The following SH3BGRL2 variants were observed in gnomAD, a reference collection of about 807,000 sequenced individuals.
The protein encoded by SH3BGRL2 is SH3 domain-binding glutamic acid-rich-like protein 2.
SH3BGRL2 carries 21 observed loss-of-function variants against 14.8 expected under a neutral mutation model. The observed-to-expected ratio is 1.42, with a 90% CI of 1.01 to 2.05. The LOEUF (loss-of-function observed/expected upper bound fraction) is 2.05, where lower values mean the gene tolerates loss of function less well. Ranked by LOEUF, SH3BGRL2 falls within the 30% of genes most tolerant of loss-of-function variation. SH3BGRL2 has a pLI of 0.00. For missense variants in SH3BGRL2, 147 were observed against 130.8 expected (o/e 1.12, Z -0.61); for synonymous variants, 50 against 47.8 (o/e 1.05, Z -0.19).
chr6:79,541,404 C>T, the SH3BGRL2 span, among the ~76,000 whole-genome samples: 1 of 152,070 alleles, frequency 6.6e-6, no homozygotes, highest in South Asian at 2.1e-4. Flanking sequence ...AGACCTAGCT[C>T]CACGTATGGT....
At chr6:79,674,147 AATC>A (rs1293767370) in intron 2 of SH3BGRL2, among the ~76,000 whole-genome samples, 1 of 152,160 alleles carries the variant, frequency 6.6e-6, no homozygotes, top group Non-Finnish European at 1.5e-5. Flanking sequence ...CATTAAAAAT[AATC>A]ATTTTAATTA....
chr6:79,602,221 C>T, the SH3BGRL2 span, among the ~76,000 whole-genome samples: 3 of 152,060 alleles, frequency 2.0e-5, no homozygotes, highest in Non-Finnish European at 4.4e-5. Context: ...ACGGTCTGTG[C>T]CCTCATAGAC....
chr6:79,538,775 A>G, the SH3BGRL2 span, among the ~76,000 whole-genome samples: 1 of 152,212 alleles, frequency 6.6e-6, no homozygotes, highest in Non-Finnish European at 1.5e-5. Flanking sequence ...TGAAACCACC[A>G]TTTATTCAGC....
the SH3BGRL2 span, among the ~76,000 whole-genome samples, chr6:79,559,002 C>T: frequency 6.6e-6 from 1 of 152,106 alleles, no homozygotes; most frequent in Non-Finnish European, 1.5e-5. Context: ...TCCCACTGGT[C>T]AAATCTGGGA....
chr6:79,683,463 C>CTT (rs1322387979), intron 2 of SH3BGRL2, among the ~76,000 whole-genome samples: 2 of 144,360 alleles, frequency 1.4e-5, no homozygotes, highest in Non-Finnish European at 3.1e-5. Context: ...AAACATCCTT[C>CTT]TTTTTTTTTT....
At chr6:79,548,403 T>C in the SH3BGRL2 span, among the ~76,000 whole-genome samples, 33 of 152,352 alleles carry the variant, frequency 2.2e-4, no homozygotes, top group African/African-American at 6.3e-4. Context: ...GACTGATCTT[T>C]GGACAAAGAG....
At chr6:79,564,195 A>G in the SH3BGRL2 span, among the ~76,000 whole-genome samples, 1 of 152,106 alleles carries the variant, frequency 6.6e-6, no homozygotes, top group African/African-American at 2.4e-5. Context: ...TCTGAAAAAA[A>G]AAAAGACAAA....
the SH3BGRL2 span, among the ~76,000 whole-genome samples, chr6:79,618,513 C>T: frequency 6.6e-6 from 1 of 152,164 alleles, no homozygotes; most frequent in Non-Finnish European, 1.5e-5. Flanking sequence ...TGAGACCAGC[C>T]TGGCCAACAT....
the SH3BGRL2 span, among the ~76,000 whole-genome samples, chr6:79,548,306 T>C: frequency 6.6e-6 from 1 of 152,244 alleles, no homozygotes; most frequent in Non-Finnish European, 1.5e-5. Context: ...ATCTTTATTA[T>C]ATTGTAGCAC....
Position 79,699,866 on chromosome 6 carries a change from G to A in SH3BGRL2, c.*357G>A. 2 of 271,398 alleles carry A rather than the reference G, an allele frequency of 7.4e-6. No homozygotes were observed. The highest frequency in any genetic ancestry group is 6.8e-6 in the Non-Finnish European group (1 of 147,024). 16.8% of individuals were successfully genotyped at this position (271,398 alleles called of 1,614,324 possible). On this transcript the variant is annotated 3_prime_UTR_variant, in exon 4 of 4. Coordinates refer to ENST00000369838, the MANE Select transcript of SH3BGRL2 (RefSeq NM_031469.4). ...CTAGGTTATAGTAGATGCCGGAATT[G>A]CGTAAACCCACTTCTCTTTAAGCTG...
At chr6:79,671,465 A>C (rs1021172657) in intron 1 of SH3BGRL2, among the ~76,000 whole-genome samples, 6 of 152,158 alleles carry the variant, frequency 3.9e-5, no homozygotes, top group African/African-American at 1.2e-4. Flanking sequence ...AAAACAAAAC[A>C]AAAAAATGAC....
At chr6:79,691,544 C>T (rs1456092888) in intron 2 of SH3BGRL2, among the ~76,000 whole-genome samples, 1 of 136,574 alleles carries the variant, frequency 7.3e-6, no homozygotes, top group Non-Finnish European at 1.5e-5. Context: ...TGTGACGTTC[C>T]CCTTCCTGTG....
At chr6:79,598,484 G>T in the SH3BGRL2 span, among the ~76,000 whole-genome samples, 5 of 152,124 alleles carry the variant, frequency 3.3e-5, no homozygotes, top group Non-Finnish European at 7.3e-5. Flanking sequence ...AAAACTTTAT[G>T]GTAAGTTGAA....
At chr6:79,648,879 G>A (rs140139886) in intron 1 of SH3BGRL2, among the ~76,000 whole-genome samples, 8 of 152,270 alleles carry the variant, frequency 5.3e-5, no homozygotes, top group Admixed American at 5.2e-4. Context: ...TCTTAAATAA[G>A]TGGCAGGAAG....
the SH3BGRL2 span, chr6:79,553,057 G>A: frequency 6.6e-6 from 1 of 152,214 alleles, no homozygotes; most frequent in Admixed American, 6.5e-5. Context: ...CTCCCAAAGA[G>A]TATTCAAGTT....
chr6:79,558,213 A>G, the SH3BGRL2 span, among the ~76,000 whole-genome samples: 5 of 152,176 alleles, frequency 3.3e-5, no homozygotes, highest in African/African-American at 1.2e-4. Context: ...TGAAACTCCT[A>G]TAGACAGCTT....
chr6:79,638,649 G>A (rs1562144416), intron 1 of SH3BGRL2, among the ~76,000 whole-genome samples: 1 of 152,142 alleles, frequency 6.6e-6, no homozygotes, highest in Non-Finnish European at 1.5e-5. Context: ...TAACTGGGGT[G>A]AGATGCAATT....
In SH3BGRL2 at chr6:79,673,804, G is replaced by C. The variant is rs763186946; in HGVS notation, c.231+5G>C. On this transcript the variant is annotated splice_donor_5th_base_variant and intron_variant, in intron 2 of 3. Coordinates refer to ENST00000369838, the MANE Select transcript of SH3BGRL2 (RefSeq NM_031469.4). ...AATGGCGACCGATACTGTGGAGTAA[G>C]TGGCTAGACTGTTATCATGCTGTTT... is the stretch of plus-strand genomic sequence containing the variant. 3.1e-6 allele frequency: 5 copies of C among 1,612,020 alleles called. No individual in the cohort carries two copies.
the SH3BGRL2 span, among the ~76,000 whole-genome samples, chr6:79,576,527 G>A: frequency 6.6e-6 from 1 of 151,688 alleles, no homozygotes; most frequent in Non-Finnish European, 1.5e-5. Context: ...GTCAGCTTTG[G>A]GTCTAATCAA....
Sources: gnomAD v4.1 joint callset for allele counts (sites outside exome capture counted in the v4.1 genomes callset) on GRCh38, gnomAD v4.1.1 for gene constraint, MANE v1.5 for transcripts, NCBI Gene and HGNC (gene_info 2026-07-23, HGNC 2026-07-21) for gene names.